NXPH1: variants seen among roughly 807,000 people sequenced by gnomAD.
The protein encoded by NXPH1 is neurexophilin-1.
In NXPH1, 5 loss-of-function variants were observed where a neutral mutation model predicts 23.7. The observed-to-expected ratio is 0.21, with a 90% CI of 0.11 to 0.44. The LOEUF (loss-of-function observed/expected upper bound fraction) is 0.44, where lower values mean the gene tolerates loss of function less well. Among genes scored for constraint, NXPH1 ranks in the 20% least tolerant of loss-of-function variants. NXPH1 has a pLI of 0.99. For synonymous variants in NXPH1, 144 were observed against 122.2 expected (o/e 1.18, Z -1.18); for missense variants, 324 against 321.6 (o/e 1.01, Z -0.06).
intron 2 of NXPH1, among the ~76,000 whole-genome samples, chr7:8,528,815 A>G (rs1256351300): frequency 6.6e-6 from 1 of 152,280 alleles, no homozygotes. Context: ...AGAAGAGAGT[A>G]CATGAGTTTT....
chr7:8,739,170 G>GAAAAAA (rs200123331), intron 2 of NXPH1, among the ~76,000 whole-genome samples: 1 of 55,590 alleles, frequency 1.8e-5, no homozygotes, highest in African/African-American at 9.1e-5. Context: ...CACCAGTGGG[G>GAAAAAA]TAAAAAAAAA....
At chr7:8,489,046 C>T (rs976906125) in intron 2 of NXPH1, among the ~76,000 whole-genome samples, 5 of 152,092 alleles carry the variant, frequency 3.3e-5, no homozygotes, top group African/African-American at 4.8e-5. Flanking sequence ...CTTGCATTTG[C>T]AAATCATCAC....
At chr7:8,506,066 T>A (rs1817517299) in intron 2 of NXPH1, among the ~76,000 whole-genome samples, 1 of 152,106 alleles carries the variant, frequency 6.6e-6, no homozygotes, top group Admixed American at 6.6e-5. Flanking sequence ...ACTTTCTGAG[T>A]TGAACTCCAA....
intron 2 of NXPH1, among the ~76,000 whole-genome samples, chr7:8,732,376 G>C (rs749694199): frequency 6.6e-6 from 1 of 152,156 alleles, no homozygotes; most frequent in Non-Finnish European, 1.5e-5. Context: ...GCCTTCGTTT[G>C]TTTCATTCTA....
At chr7:8,524,410 C>G (rs1201640412) in intron 2 of NXPH1, among the ~76,000 whole-genome samples, 1 of 152,082 alleles carries the variant, frequency 6.6e-6, no homozygotes, top group Non-Finnish European at 1.5e-5. Context: ...GTGGGACTTA[C>G]AGGAGTCTTT....
At chr7:8,675,913 C>G (rs893483796) in intron 2 of NXPH1, among the ~76,000 whole-genome samples, 2 of 152,104 alleles carry the variant, frequency 1.3e-5, no homozygotes, top group Admixed American at 1.3e-4. Flanking sequence ...CTAGCCTTCT[C>G]TTTTGCCACT....
intron 2 of NXPH1, among the ~76,000 whole-genome samples, chr7:8,602,939 T>G (rs761095651): frequency 6.6e-6 from 1 of 151,960 alleles, no homozygotes; most frequent in Non-Finnish European, 1.5e-5. Context: ...GCCTCCCGAG[T>G]AGCTGGGATT....
At chr7:8,514,301 C>T (rs1369600114) in intron 2 of NXPH1, among the ~76,000 whole-genome samples, 1 of 152,152 alleles carries the variant, frequency 6.6e-6, no homozygotes, top group African/African-American at 2.4e-5. Context: ...GACTCTCTCT[C>T]TCCGACATTT....
At chr7:8,696,183 C>G (rs1019494489) in intron 2 of NXPH1, among the ~76,000 whole-genome samples, 1 of 152,170 alleles carries the variant, frequency 6.6e-6, no homozygotes, top group East Asian at 1.9e-4. Flanking sequence ...AACTAACTTA[C>G]GTTTTCTGGT....
At chr7:8,612,135 T>C (rs188441224) in intron 2 of NXPH1, among the ~76,000 whole-genome samples, 57 of 152,060 alleles carry the variant, frequency 3.7e-4, no homozygotes, top group Middle Eastern at 3.4e-3. Context: ...TCTCTTTTTT[T>C]TCCCTTCCCC....
chr7:8,517,877 A>G (rs558307371), intron 2 of NXPH1, among the ~76,000 whole-genome samples: 1 of 152,324 alleles, frequency 6.6e-6, no homozygotes, highest in African/African-American at 2.4e-5. Context: ...AGGAGTGAAC[A>G]GAGTTGCCTG....
chr7:8,655,829 T>C (rs1371589799), intron 2 of NXPH1, among the ~76,000 whole-genome samples: 1 of 152,204 alleles, frequency 6.6e-6, no homozygotes, highest in African/African-American at 2.4e-5. Flanking sequence ...GACAAAGTTT[T>C]CAAGGTCCCT....
rs551576437 is a variant in NXPH1 at position 8,623,661 on chromosome 7, G to T, written c.55-127347G>T. Among the ~76,000 whole-genome samples the T allele has an allele frequency of 4.2e-3, 313 of 74,620 alleles. 1 individual carries two copies. The highest frequency in any genetic ancestry group is 0.025 in the African/African-American group (285 of 11,386). The allele number at this position is 74,620 out of a possible 152,430, so 49.0% of individuals were successfully genotyped here. ...TTTTAGTTTTGATAATAATTTTGTG[G>T]TATAGTAAGAAAAAGTTCTTATTTT... On this transcript the variant is annotated intron_variant, in intron 2 of 2. Coordinates refer to ENST00000405863, the MANE Select transcript of NXPH1 (RefSeq NM_152745.3).
intron 2 of NXPH1, among the ~76,000 whole-genome samples, chr7:8,635,645 C>T (rs1011440453): frequency 2.6e-5 from 4 of 152,084 alleles, no homozygotes; most frequent in African/African-American, 9.7e-5. Flanking sequence ...GTGATGACAC[C>T]GGGTCTAAAA....
At chr7:8,568,864 A>G (rs184293334) in intron 2 of NXPH1, among the ~76,000 whole-genome samples, 1 of 151,938 alleles carries the variant, frequency 6.6e-6, no homozygotes, top group East Asian at 1.9e-4. Flanking sequence ...AGTGTTTGAT[A>G]TCTTTGCATT....
intron 2 of NXPH1, among the ~76,000 whole-genome samples, chr7:8,689,099 T>C (rs1821189807): frequency 6.6e-6 from 1 of 152,210 alleles, no homozygotes; most frequent in Non-Finnish European, 1.5e-5. Context: ...GCACGTATTG[T>C]GCCATTCATT....
intron 2 of NXPH1, among the ~76,000 whole-genome samples, chr7:8,637,020 C>A (rs867120229): frequency 1.3e-5 from 2 of 152,076 alleles, no homozygotes; most frequent in South Asian, 4.1e-4. Flanking sequence ...CCTTGAGAGC[C>A]CTGTGCATGG....
chr7:8,489,186 G>C (rs891933494), intron 2 of NXPH1, among the ~76,000 whole-genome samples: 2 of 152,086 alleles, frequency 1.3e-5, no homozygotes, highest in Non-Finnish European at 2.9e-5. Context: ...CCCACGTGCT[G>C]GGGAAGATTC....
chr7:8,546,595 G>C (rs1340028962), intron 2 of NXPH1, among the ~76,000 whole-genome samples: 3 of 151,288 alleles, frequency 2.0e-5, no homozygotes, highest in Non-Finnish European at 4.4e-5. Flanking sequence ...TATTTGTTCT[G>C]ATACTCATTA....
Sources: allele counts gnomAD v4.1 joint callset (sites outside exome capture counted in the v4.1 genomes callset), GRCh38; gene constraint gnomAD v4.1.1; transcripts MANE v1.5; gene names NCBI Gene and HGNC (gene_info 2026-07-23, HGNC 2026-07-21).